The following FGF10 variants were observed in gnomAD, a reference collection of about 807,000 sequenced individuals.
FGF10 encodes fibroblast growth factor 10, also known as FGF-10.
A neutral mutation model predicts 19.8 loss-of-function variants in FGF10; 2 were observed. The ratio of observed to expected loss-of-function variants is 0.10; its 90% confidence interval spans 0.04 to 0.32. The LOEUF (loss-of-function observed/expected upper bound fraction) is 0.32. Among genes scored for constraint, FGF10 ranks in the 10% least tolerant of loss-of-function variants. The pLI, the probability that FGF10 is intolerant of heterozygous loss-of-function variation, is 1.00. For missense variants in FGF10, 191 were observed against 246.3 expected (o/e 0.78, Z 1.50); for synonymous variants, 112 against 94.0 (o/e 1.19, Z -1.10).
chr5:44,307,478 GA>G (rs1243720578), intron 2 of FGF10, among the ~76,000 whole-genome samples: 1 of 151,922 alleles, frequency 6.6e-6, no homozygotes, highest in Non-Finnish European at 1.5e-5. Flanking sequence ...TCAGTCAGGA[GA>G]AAACTCAAAA....
At chr5:44,321,516 A>AT (rs1740487028) in intron 1 of FGF10, among the ~76,000 whole-genome samples, 1 of 152,186 alleles carries the variant, frequency 6.6e-6, no homozygotes, top group Non-Finnish European at 1.5e-5. Flanking sequence ...CAGTATATGC[A>AT]TAGACAGAGT....
chr5:44,316,294 C>T (rs561221740), intron 1 of FGF10, among the ~76,000 whole-genome samples: 4 of 152,172 alleles, frequency 2.6e-5, no homozygotes, highest in Admixed American at 6.5e-5. Context: ...GGTTGGGGAC[C>T]GCTGGCCTAT....
chr5:44,301,726 A>AT lies in FGF10; in HGVS notation c.*3268dup, dbSNP rs991325913. Reference sequence around the variant, plus strand: ...GAGAAAACTTACAAATGTTTGAGTAATTTTTTTTTCTGTTGTTGTTGTTTG... The same window carrying AT: ...GAGAAAACTTACAAATGTTTGAGTAATTTTTTTTTTCTGTTGTTGTTGTTTG... On this transcript the variant is annotated 3_prime_UTR_variant, in exon 3 of 3. Coordinates refer to ENST00000264664, the MANE Select transcript of FGF10 (RefSeq NM_004465.2). Among the ~76,000 whole-genome samples the AT allele has an allele frequency of 5.3e-5, 8 of 151,778 alleles. No individual in the cohort carries two copies. Among genetic ancestry groups the AT allele is most frequent in the African/African-American group, 1.2e-4 (5 of 41,338 alleles).
Position 44,310,398 on chromosome 5 carries a change from G to A in FGF10, c.429+29C>T, listed in dbSNP as rs190450475. ...AACTATGGTAATGGTTTACTGGAGTGGATTTGAAAACAAAAGCAGAATACT... is the reference window on the plus strand; with the variant it reads ...AACTATGGTAATGGTTTACTGGAGTAGATTTGAAAACAAAAGCAGAATACT... On this transcript the variant is annotated intron_variant, in intron 2 of 2. Transcript: ENST00000264664. 3.2e-4 allele frequency: 468 copies of A among 1,461,098 alleles called. No individual in the cohort carries two copies. The African/African-American group carries it at 5.9e-3, about 18-fold the overall frequency. The allele number at this position is 1,461,098 out of a possible 1,614,324, so 90.5% of individuals were successfully genotyped here.
At chr5:44,316,103 T>C (rs1740342641) in intron 1 of FGF10, among the ~76,000 whole-genome samples, 2 of 152,134 alleles carry the variant, frequency 1.3e-5, no homozygotes, top group African/African-American at 4.8e-5. Flanking sequence ...CATTAGATTC[T>C]CACAGGAGTG....
intron 1 of FGF10, among the ~76,000 whole-genome samples, chr5:44,366,875 C>T (rs1345659663): frequency 6.6e-6 from 1 of 151,952 alleles, no homozygotes; most frequent in Non-Finnish European, 1.5e-5. Context: ...GATAATATTT[C>T]AAGTTCTGAA....
At chr5:44,338,356 T>C (rs1325567372) in intron 1 of FGF10, among the ~76,000 whole-genome samples, 2 of 152,220 alleles carry the variant, frequency 1.3e-5, no homozygotes, top group Non-Finnish European at 2.9e-5. Context: ...GAGTACAAAA[T>C]TGATTTTCAG....
intron 1 of FGF10, among the ~76,000 whole-genome samples, chr5:44,359,381 C>A (rs1386635994): frequency 1.3e-5 from 2 of 151,506 alleles, no homozygotes; most frequent in Non-Finnish European, 3.0e-5. Context: ...TTCTTAATTA[C>A]TCTTCCTGAC....
intron 1 of FGF10, among the ~76,000 whole-genome samples, chr5:44,387,483 A>G (rs1034509198): frequency 5.3e-5 from 8 of 152,238 alleles, no homozygotes; most frequent in African/African-American, 1.9e-4. Flanking sequence ...AAATAAAAGA[A>G]TGACAATGAA....
At chr5:44,385,821 C>T (rs1282269998) in intron 1 of FGF10, among the ~76,000 whole-genome samples, 1 of 152,152 alleles carries the variant, frequency 6.6e-6, no homozygotes. Context: ...ATCAGTCCAG[C>T]TGGAAATCGT....
chr5:44,310,481 G>A lies in FGF10; in HGVS notation c.375C>T (p.Ala125=), dbSNP rs1224122626. ...SVEIGVVAVK[A]INSNYYLAMN... ...TGGCTAAGTAATAGTTGCTGTTAAT[G>A]GCTTTGACGGCAACAACTCCGATTT... Residue 125 remains alanine, a synonymous_variant, in exon 2 of 3, where the codon GCC becomes GCT. Transcript: ENST00000264664. The A allele has an allele frequency of 6.2e-7, 1 of 1,612,706 alleles. No homozygotes were observed. Among genetic ancestry groups the A allele is most frequent in the Admixed American group, 1.7e-5 (1 of 59,920 alleles).
At chr5:44,382,197 C>T (rs1742000258) in intron 1 of FGF10, among the ~76,000 whole-genome samples, 1 of 152,144 alleles carries the variant, frequency 6.6e-6, no homozygotes. Flanking sequence ...AGTTGTCCAC[C>T]TTACATGGGA....
chr5:44,302,506 A>G lies in FGF10; in HGVS notation c.*2489T>C, dbSNP rs1739988655. Among the ~76,000 whole-genome samples, 1 of 151,966 alleles carries G rather than the reference A, an allele frequency of 6.6e-6. No individual in the cohort carries two copies. Among genetic ancestry groups the G allele is most frequent in the Non-Finnish European group, 1.5e-5 (1 of 67,976 alleles). On this transcript the variant is annotated 3_prime_UTR_variant, in exon 3 of 3. Coordinates refer to ENST00000264664, the MANE Select transcript of FGF10 (RefSeq NM_004465.2). ...CCTGAGTAGTTGGGACCACAGGTATATGCCACCACGCATGGCTACATTTGT... is the reference window on the plus strand; with the variant it reads ...CCTGAGTAGTTGGGACCACAGGTATGTGCCACCACGCATGGCTACATTTGT...
chr5:44,355,888 T>C (rs938699957), intron 1 of FGF10, among the ~76,000 whole-genome samples: 3 of 151,434 alleles, frequency 2.0e-5, no homozygotes, highest in African/African-American at 7.3e-5. Flanking sequence ...TTGCAGCTTT[T>C]CCCAAAAGAC....
intron 2 of FGF10, among the ~76,000 whole-genome samples, chr5:44,305,468 T>C (rs949227020): frequency 3.3e-5 from 5 of 152,192 alleles, no homozygotes; most frequent in African/African-American, 9.7e-5. Flanking sequence ...TATTATATGG[T>C]TTAAGTGCCT....
At chr5:44,355,465 A>G (rs1288817697) in intron 1 of FGF10, among the ~76,000 whole-genome samples, 1 of 150,996 alleles carries the variant, frequency 6.6e-6, no homozygotes, top group Non-Finnish European at 1.5e-5. Context: ...GTATGCATAT[A>G]TATTTCTATG....
At chr5:44,332,034 C>T (rs955785114) in intron 1 of FGF10, among the ~76,000 whole-genome samples, 1 of 151,706 alleles carries the variant, frequency 6.6e-6, no homozygotes, top group Non-Finnish European at 1.5e-5. Flanking sequence ...TCAGAAACAA[C>T]GAATACTATT....
At chr5:44,338,172 A>G (rs1740894689) in intron 1 of FGF10, among the ~76,000 whole-genome samples, 1 of 152,188 alleles carries the variant, frequency 6.6e-6, no homozygotes, top group Admixed American at 6.5e-5. Flanking sequence ...ACAATTCTAT[A>G]AAAGCTACCA....
intron 1 of FGF10, among the ~76,000 whole-genome samples, chr5:44,319,812 C>T (rs1740440420): frequency 6.6e-6 from 1 of 152,104 alleles, no homozygotes; most frequent in African/African-American, 2.4e-5. Flanking sequence ...GATTCATTTG[C>T]CATAACTATA....
Sources: gnomAD v4.1 joint callset for allele counts (sites outside exome capture counted in the v4.1 genomes callset) on GRCh38, gnomAD v4.1.1 for gene constraint, MANE v1.5 for transcripts, NCBI Gene and HGNC (gene_info 2026-07-23, HGNC 2026-07-21) for gene names.